The following KCND2 variants were observed in gnomAD, a reference collection of about 807,000 sequenced individuals.
KCND2 encodes potassium voltage-gated channel subfamily D member 2, also known as A-type voltage-gated potassium channel KCND2.
A neutral mutation model predicts 54.4 loss-of-function variants in KCND2; 16 were observed. That is an observed-to-expected ratio of 0.29 (90% CI 0.20 to 0.45). KCND2 has a LOEUF of 0.45. Among genes scored for constraint, KCND2 ranks in the 20% least tolerant of loss-of-function variants. KCND2 has a pLI of 1.00. For missense variants in KCND2, 486 were observed against 824.2 expected (o/e 0.59, Z 5.02); for synonymous variants, 317 against 310.7 (o/e 1.02, Z -0.21).
At chr7:120,708,229 A>G (rs1181688832) in intron 1 of KCND2, among the ~76,000 whole-genome samples, 2 of 152,150 alleles carry the variant, frequency 1.3e-5, no homozygotes, top group Non-Finnish European at 2.9e-5. Flanking sequence ...ATGCTGTTGT[A>G]TACAATGCAA....
chr7:120,446,097 A>C (rs1021443089), intron 1 of KCND2, among the ~76,000 whole-genome samples: 3 of 152,130 alleles, frequency 2.0e-5, no homozygotes, highest in Non-Finnish European at 4.4e-5. Context: ...AGTGCACCCA[A>C]GCATCCTTAA....
intron 1 of KCND2, among the ~76,000 whole-genome samples, chr7:120,416,102 A>T (rs1227230227): frequency 6.6e-6 from 1 of 152,188 alleles, no homozygotes; most frequent in Non-Finnish European, 1.5e-5. Flanking sequence ...CTTCAATAGT[A>T]TCAATAATGT....
At chr7:120,404,531 AG>A (rs749805068) in intron 1 of KCND2, among the ~76,000 whole-genome samples, 2 of 152,192 alleles carry the variant, frequency 1.3e-5, no homozygotes, top group Non-Finnish European at 2.9e-5. Context: ...GCAGGAAAAA[AG>A]AAAGAAAAAC....
intron 1 of KCND2, among the ~76,000 whole-genome samples, chr7:120,613,957 A>C (rs1792989604): frequency 6.6e-6 from 1 of 151,816 alleles, no homozygotes; most frequent in Non-Finnish European, 1.5e-5. Context: ...CAAATTATTT[A>C]TGTATAAAAC....
At chr7:120,342,179 A>G (rs1006874367) in intron 1 of KCND2, among the ~76,000 whole-genome samples, 2 of 152,164 alleles carry the variant, frequency 1.3e-5, no homozygotes, top group African/African-American at 4.8e-5. Context: ...ATGAAAGAGT[A>G]AGTTAGATGT....
chr7:120,630,886 T>C (rs894995989), intron 1 of KCND2, among the ~76,000 whole-genome samples: 5 of 152,156 alleles, frequency 3.3e-5, no homozygotes, highest in Non-Finnish European at 7.4e-5. Context: ...TGAAATTAGG[T>C]ATATGTGCCT....
chr7:120,746,043 C>A lies in KCND2; in HGVS notation c.1715+16C>A. On this transcript the variant is annotated intron_variant, in intron 5 of 5. Transcript: ENST00000331113. ...TGTCTAACAGGTACCTGAGATTAAT[C>A]TGTGTTGTCTACACACCTGTGCTGG... The A allele has an allele frequency of 6.2e-7, 1 of 1,611,152 alleles. No individual in the cohort carries two copies.
At chr7:120,587,021 G>C (rs1248151362) in intron 1 of KCND2, among the ~76,000 whole-genome samples, 2 of 151,924 alleles carry the variant, frequency 1.3e-5, no homozygotes, top group African/African-American at 4.8e-5. Context: ...TCCAAATAGG[G>C]ATTTTAAATT....
At chr7:120,585,816 CTTAAT>C (rs1792592668) in intron 1 of KCND2, among the ~76,000 whole-genome samples, 1 of 152,110 alleles carries the variant, frequency 6.6e-6, no homozygotes, top group African/African-American at 2.4e-5. Context: ...GATAATGAAT[CTTAAT>C]CCTGTAAATG....
intron 1 of KCND2, among the ~76,000 whole-genome samples, chr7:120,490,836 A>C (rs1802768360): frequency 6.6e-6 from 1 of 152,212 alleles, no homozygotes; most frequent in Non-Finnish European, 1.5e-5. Flanking sequence ...TGTCAGCATT[A>C]GTCGTCAGCA....
chr7:120,721,250 G>A (rs1277954422), intron 1 of KCND2, among the ~76,000 whole-genome samples: 3 of 152,126 alleles, frequency 2.0e-5, no homozygotes, highest in Admixed American at 2.0e-4. Context: ...TGACCAAGTA[G>A]AACTATAGAG....
chr7:120,343,087 G>T lies in KCND2; in HGVS notation c.1115+67340G>T, dbSNP rs1376314098. 2.6e-5 allele frequency among the ~76,000 whole-genome samples: 4 copies of T among 152,070 alleles called. No homozygotes were observed. The East Asian group carries it at 7.7e-4, about 29-fold the overall frequency. On this transcript the variant is annotated intron_variant, in intron 1 of 5. Coordinates refer to ENST00000331113, the MANE Select transcript of KCND2 (RefSeq NM_012281.3). ...CCATTCAAAAAGTACAAAGAAGGAG[G>T]ATGCATAAAAGATTTAAAAAGGTTT...
chr7:120,508,076 G>A (rs1436167204), intron 1 of KCND2, among the ~76,000 whole-genome samples: 3 of 151,452 alleles, frequency 2.0e-5, no homozygotes, highest in East Asian at 1.9e-4. Context: ...ATTAGCTGCC[G>A]TGAAAACTAA....
chr7:120,508,637 A>G (rs763022337), intron 1 of KCND2, among the ~76,000 whole-genome samples: 67 of 152,146 alleles, frequency 4.4e-4, no homozygotes, highest in South Asian at 1.0e-3. Context: ...ATCAATGGGA[A>G]AAAAGTGCAA....
chr7:120,729,924 C>T (rs1484430513), intron 1 of KCND2, among the ~76,000 whole-genome samples: 1 of 152,258 alleles, frequency 6.6e-6, no homozygotes, highest in African/African-American at 2.4e-5. Context: ...GAATTTGCTG[C>T]CTTTCAATAA....
rs1445578126 is a variant in KCND2, at chr7:120,395,212, T to C, written c.1115+119465T>C. On this transcript the variant is annotated intron_variant, in intron 1 of 5. Coordinates refer to ENST00000331113, the MANE Select transcript of KCND2 (RefSeq NM_012281.3). ...GTATGGTAAACTCTAAAAGAGTACT[T>C]CCTGTTCTTTAGTTACAATTTTACA... Among the ~76,000 whole-genome samples, 3 of 152,192 alleles carry C rather than the reference T, an allele frequency of 2.0e-5. No individual in the cohort carries two copies. In the East Asian group the frequency reaches 5.8e-4, roughly 29 times the overall value.
At chr7:120,349,344 A>ACACG (rs925282931) in intron 1 of KCND2, among the ~76,000 whole-genome samples, 1 of 151,318 alleles carries the variant, frequency 6.6e-6, no homozygotes, top group Non-Finnish European at 1.5e-5. Context: ...ACACACACAC[A>ACACG]CACACAGACA....
chr7:120,562,564 A>AT (rs375770881), intron 1 of KCND2, among the ~76,000 whole-genome samples: 96 of 151,612 alleles, frequency 6.3e-4, no homozygotes, highest in African/African-American at 2.1e-3. Context: ...GCAGAAAAGG[A>AT]TTTTTTTTTC....
At chr7:120,731,073 C>T (rs1467946871) in intron 1 of KCND2, among the ~76,000 whole-genome samples, 2 of 152,142 alleles carry the variant, frequency 1.3e-5, no homozygotes, top group African/African-American at 4.8e-5. Flanking sequence ...ATGGAAAGAA[C>T]TCCTCCTTGT....
Sources: gnomAD v4.1 joint callset for allele counts (sites outside exome capture counted in the v4.1 genomes callset) on GRCh38, gnomAD v4.1.1 for gene constraint, MANE v1.5 for transcripts, NCBI Gene and HGNC (gene_info 2026-07-23, HGNC 2026-07-21) for gene names.